DMC1: variants seen among roughly 807,000 people sequenced by gnomAD.
DMC1 encodes the protein DNA meiotic recombinase 1.
A neutral mutation model predicts 50.1 loss-of-function variants in DMC1; 27 were observed. That is an observed-to-expected ratio of 0.54 (90% CI 0.40 to 0.74). The LOEUF is 0.74. DMC1 is among the 30% of genes least tolerant of loss of function. The pLI, the probability that DMC1 is intolerant of heterozygous loss-of-function variation, is 0.00. For missense variants in DMC1, 295 were observed against 420.2 expected, an observed-to-expected ratio of 0.70 and a Z score of 2.60; for synonymous variants, 148 against 136.1, an observed-to-expected ratio of 1.09 and a Z score of -0.61.
At chr22:38,542,872 C>G (rs901715579) in intron 8 of DMC1, among the ~76,000 whole-genome samples, 4 of 152,068 alleles carry the variant, frequency 2.6e-5, no homozygotes, top group Non-Finnish European at 5.9e-5. Context: ...ACCAATGGAA[C>G]AGAATATAAA....
intron 12 of DMC1, among the ~76,000 whole-genome samples, chr22:38,527,737 TC>T (rs1350195220): frequency 5.9e-5 from 9 of 151,926 alleles, no homozygotes; most frequent in African/African-American, 2.2e-4. Context: ...CAGGCTGGTC[TC>T]AAACTCCTGA....
intron 12 of DMC1, among the ~76,000 whole-genome samples, chr22:38,530,683 T>G (rs1049003255): frequency 6.6e-6 from 1 of 152,160 alleles, no homozygotes; most frequent in South Asian, 2.1e-4. Context: ...TTTAAATCAC[T>G]TGTACAAGGT....
intron 8 of DMC1, among the ~76,000 whole-genome samples, chr22:38,548,781 G>A (rs1016194782): frequency 2.6e-5 from 4 of 152,014 alleles, no homozygotes; most frequent in Non-Finnish European, 5.9e-5. Flanking sequence ...AGCTGAGGTT[G>A]CAGTGAGTTG....
chr22:38,538,461 CGTT>C, intron 10 of DMC1, 52 bp from the exon 11 acceptor site: 3 of 1,604,648 alleles, frequency 1.9e-6, no homozygotes, highest in Non-Finnish European at 2.6e-6. Context: ...TGAAGGAAGA[CGTT>C]ATTTGAATAG....
rs761265950 is a variant in DMC1 at position 38,552,718 on chromosome 22, C to A, written c.380-11G>T. 1.9e-6 allele frequency: 3 copies of A among 1,567,840 alleles called. No homozygotes were observed. In the Admixed American group the frequency reaches 5.0e-5, roughly 26 times the overall value. On this transcript the variant is annotated splice_polypyrimidine_tract_variant and intron_variant, in intron 6 of 13. Coordinates refer to ENST00000216024, the MANE Select transcript of DMC1 (RefSeq NM_007068.4). ...TTCCAGTACGAAATTCTGTGAAATA[C>A]AGAAAAAAATGATTTTAAAAATGCA... is the stretch of plus-strand genomic sequence containing the variant.
At chr22:38,568,168 A>G (rs1427661602) in intron 2 of DMC1, 38 bp downstream of exon 2, 2 of 1,592,732 alleles carry the variant, frequency 1.3e-6, no homozygotes, top group South Asian at 2.2e-5. Context: ...TTGCGGAATG[A>G]TCGAATGTCT....
At chr22:38,520,133 T>TCTATAAATA in intron 13 of DMC1, 44 bp from the exon 14 acceptor site, 1 of 1,477,904 alleles carries the variant, frequency 6.8e-7, no homozygotes, top group Non-Finnish European at 9.5e-7. Context: ...AAGCTCTATT[T>TCTATAAATA]CTATAAATAC....
At chr22:38,533,938 T>C (rs2090183159) in intron 12 of DMC1, among the ~76,000 whole-genome samples, 1 of 152,238 alleles carries the variant, frequency 6.6e-6, no homozygotes, top group African/African-American at 2.4e-5. Flanking sequence ...ATATTGCTTA[T>C]GTAGTTTTCC....
At chr22:38,538,190 T>A in intron 11 of DMC1, 105 bp downstream of exon 11, 1 of 900,022 alleles carries the variant, frequency 1.1e-6, no homozygotes, top group Middle Eastern at 2.2e-4. Context: ...AAAGGTAATT[T>A]TATTTAAAAA....
chr22:38,537,768 ACAT>A, intron 11 of DMC1, 116 bp from the exon 12 acceptor site: 2 of 720,016 alleles, frequency 2.8e-6, no homozygotes, highest in South Asian at 1.6e-5. Flanking sequence ...TTTATAAATA[ACAT>A]CATATTCCTA....
intron 12 of DMC1, among the ~76,000 whole-genome samples, chr22:38,522,523 T>G (rs2145775715): frequency 6.6e-6 from 1 of 152,174 alleles, no homozygotes; most frequent in South Asian, 2.1e-4. Context: ...GATCAGCCAC[T>G]GCATTCCAGC....
chr22:38,538,269 G>T, intron 11 of DMC1, 26 bp downstream of exon 11: 1 of 1,570,920 alleles, frequency 6.4e-7, no homozygotes. Context: ...CATAGTCACA[G>T]ATGCCATTTT....
At chr22:38,515,815 T>G (rs577722694), downstream of DMC1, among the ~76,000 whole-genome samples, 3 of 152,186 alleles carry the variant, frequency 2.0e-5, no homozygotes, top group South Asian at 4.1e-4. Flanking sequence ...AATCAATAAA[T>G]AAACAAACAA....
At chr22:38,514,933 C>A (rs2089965910), downstream of DMC1, among the ~76,000 whole-genome samples, 1 of 147,474 alleles carries the variant, frequency 6.8e-6, no homozygotes, top group Admixed American at 6.8e-5. Context: ...ATGGAATAGC[C>A]ATTTTTTTAT....
intron 1 of DMC1, chr22:38,568,552 C>T (rs535945459): frequency 2.1e-6 from 1 of 486,958 alleles, no homozygotes; most frequent in Admixed American, 3.4e-5. Context: ...TCTTCTCTTT[C>T]CCCAACAGTG....
intron 8 of DMC1, chr22:38,549,553 G>C (rs1217400481): frequency 5.2e-6 from 1 of 193,396 alleles, no homozygotes; most frequent in Non-Finnish European, 1.1e-5. Context: ...GAACCCAAGA[G>C]ATGGAGGTTG....
chr22:38,535,102 A>G (rs574999357), intron 12 of DMC1, among the ~76,000 whole-genome samples: 1 of 151,914 alleles, frequency 6.6e-6, no homozygotes, highest in African/African-American at 2.4e-5. Context: ...GATAGAAACC[A>G]TCCTGGCTAA....
chr22:38,510,386 C>T, the DMC1 span, among the ~76,000 whole-genome samples: 7 of 152,086 alleles, frequency 4.6e-5, no homozygotes, highest in East Asian at 3.9e-4. Flanking sequence ...ACCCAGGAGG[C>T]GGAGGTTGCA....
chr22:38,553,750 G>C (rs996808323), intron 6 of DMC1, among the ~76,000 whole-genome samples: 10 of 151,798 alleles, frequency 6.6e-5, no homozygotes, highest in Non-Finnish European at 1.5e-4. Context: ...CATGAGCTCA[G>C]GAGTTCGAGA....
Sources: gnomAD v4.1 joint callset for allele counts (sites outside exome capture counted in the v4.1 genomes callset) on GRCh38, gnomAD v4.1.1 for gene constraint, MANE v1.5 for transcripts, NCBI Gene and HGNC (gene_info 2026-07-23, HGNC 2026-07-21) for gene names.